CDH10: variants seen among roughly 807,000 people sequenced by gnomAD.
The protein encoded by CDH10 is cadherin 10, also known as cadherin-10.
In CDH10, 30 loss-of-function variants were observed where a neutral mutation model predicts 73.1. The ratio of observed to expected loss-of-function variants is 0.41; its 90% CI spans 0.31 to 0.56. The LOEUF (loss-of-function observed/expected upper bound fraction) is 0.56. CDH10 is among the 20% of genes least tolerant of loss of function. CDH10 has a pLI of 0.27. For missense variants in CDH10, 815 were observed against 973.7 expected, an observed-to-expected ratio of 0.84 and a Z score of 2.17; for synonymous variants, 345 against 348.2, an observed-to-expected ratio of 0.99 and a Z score of 0.10.
chr5:24,637,291 C>T (rs987301432), intron 1 of CDH10, among the ~76,000 whole-genome samples: 6 of 151,744 alleles, frequency 4.0e-5, no homozygotes, highest in East Asian at 1.9e-4. Flanking sequence ...AATGAAAGAA[C>T]GGATGAATAA....
chr5:24,536,971 A>G (rs976322173), intron 3 of CDH10, among the ~76,000 whole-genome samples: 2 of 151,942 alleles, frequency 1.3e-5, no homozygotes, highest in African/African-American at 4.8e-5. Flanking sequence ...TTCCAGATGA[A>G]ATTTTTCGGT....
intron 2 of CDH10, among the ~76,000 whole-genome samples, chr5:24,588,060 T>C (rs1261639861): frequency 6.6e-6 from 1 of 152,184 alleles, no homozygotes; most frequent in Non-Finnish European, 1.5e-5. Context: ...TTAATATAGG[T>C]TTACATTTTG....
intron 2 of CDH10, among the ~76,000 whole-genome samples, chr5:24,574,342 A>G (rs1162314475): frequency 6.6e-6 from 1 of 152,142 alleles, no homozygotes; most frequent in African/African-American, 2.4e-5. Context: ...ATTCATTTAC[A>G]GATACTTAAA....
intron 4 of CDH10, 107 bp downstream of exon 4, chr5:24,535,596 C>T: frequency 1.0e-6 from 1 of 971,656 alleles, no homozygotes; most frequent in Non-Finnish European, 1.5e-6. Flanking sequence ...CTTCACTCAT[C>T]TGTGAGTATT....
intron 2 of CDH10, among the ~76,000 whole-genome samples, chr5:24,573,680 G>T (rs1391987902): frequency 2.2e-5 from 3 of 139,160 alleles, no homozygotes; most frequent in Non-Finnish European, 4.6e-5. Flanking sequence ...CAGCCTGGGC[G>T]ACAGAGCGAG....
chr5:24,629,803 C>A (rs1200630175), intron 1 of CDH10, among the ~76,000 whole-genome samples: 1 of 152,126 alleles, frequency 6.6e-6, no homozygotes, highest in African/African-American at 2.4e-5. Flanking sequence ...CCCAGCCATG[C>A]AGAACTATGA....
intron 2 of CDH10, among the ~76,000 whole-genome samples, chr5:24,550,985 T>C (rs544645419): frequency 6.6e-6 from 1 of 152,260 alleles, no homozygotes; most frequent in East Asian, 1.9e-4. Flanking sequence ...GAATGATGAT[T>C]TTTAAATGCA....
rs2111750221 is a variant in CDH10, at chr5:24,509,603, T to C, written c.1219A>G (p.Met407Val). The change falls in exon 7 of 12, where the codon ATG becomes GTG. Residue 407 changes from methionine to valine, a missense_variant. Around this residue, in one of 3 missense-constraint regions of CDH10, gnomAD observed 516 missense variants for 636.6 expected, o/e 0.81. Transcript: ENST00000264463. ...IEVGTIIGTV[M>V]ARDPDSISSP... The stretch of plus-strand genomic sequence containing the variant: ...GAAATAGAATCTGGGTCCCTTGCCA[T>C]TACAGTACCAATGATTGTGCCCACT... The C allele has an allele frequency of 6.2e-7, 1 of 1,613,930 alleles. No individual in the cohort carries two copies. The highest frequency in any genetic ancestry group is 8.5e-7 in the Non-Finnish European group (1 of 1,179,900).
chr5:24,613,406 G>A (rs183311967), intron 1 of CDH10, among the ~76,000 whole-genome samples: 118 of 150,754 alleles, frequency 7.8e-4, no homozygotes, highest in African/African-American at 2.7e-3. Context: ...AGACTACGTC[G>A]TCTTTATTTT....
chr5:24,520,556 T>C (rs1743282679), intron 5 of CDH10, among the ~76,000 whole-genome samples: 1 of 152,166 alleles, frequency 6.6e-6, no homozygotes, highest in Admixed American at 6.5e-5. Context: ...TATCACACGG[T>C]AATTAACTCT....
intron 1 of CDH10, among the ~76,000 whole-genome samples, chr5:24,595,719 C>A (rs1288541383): frequency 6.6e-6 from 1 of 151,864 alleles, no homozygotes; most frequent in South Asian, 2.1e-4. Context: ...GCTTTAAAAC[C>A]TATTGAAGAA....
chr5:24,577,365 C>A (rs1016946477), intron 2 of CDH10, among the ~76,000 whole-genome samples: 10 of 152,166 alleles, frequency 6.6e-5, no homozygotes, highest in African/African-American at 2.4e-4. Context: ...TTTCTACAAA[C>A]CTGAAAGTAT....
chr5:24,622,100 G>A (rs907974007), intron 1 of CDH10, among the ~76,000 whole-genome samples: 5 of 152,152 alleles, frequency 3.3e-5, no homozygotes, highest in Admixed American at 2.0e-4. Context: ...CATTTACTTG[G>A]GTTGAGAGAG....
chr5:24,529,711 A>G (rs950772042), intron 5 of CDH10, among the ~76,000 whole-genome samples: 1 of 152,000 alleles, frequency 6.6e-6, no homozygotes, highest in African/African-American at 2.4e-5. Context: ...TCACTCAATC[A>G]TACAGTGACC....
intron 5 of CDH10, among the ~76,000 whole-genome samples, chr5:24,533,337 A>G (rs1157605581): frequency 4.0e-5 from 6 of 151,834 alleles, no homozygotes; most frequent in African/African-American, 1.5e-4. Flanking sequence ...AAAAATAATA[A>G]TAATAATAAC....
chr5:24,550,389 A>T (rs544588205), intron 2 of CDH10, among the ~76,000 whole-genome samples: 1 of 152,222 alleles, frequency 6.6e-6, no homozygotes, highest in Non-Finnish European at 1.5e-5. Context: ...ATCTAAAAAA[A>T]AATGATGTAT....
intron 2 of CDH10, among the ~76,000 whole-genome samples, chr5:24,559,517 C>T (rs1383109887): frequency 1.3e-5 from 2 of 151,948 alleles, no homozygotes; most frequent in Admixed American, 6.6e-5. Flanking sequence ...CACTGCAGTA[C>T]TTTATGCTGA....
intron 1 of CDH10, among the ~76,000 whole-genome samples, chr5:24,643,240 C>T (rs572897732): frequency 1.3e-5 from 2 of 152,166 alleles, no homozygotes; most frequent in South Asian, 4.2e-4. Flanking sequence ...TAGGACATAA[C>T]CTCTTTCTTT....
chr5:24,565,722 A>T (rs1396566524), intron 2 of CDH10, among the ~76,000 whole-genome samples: 1 of 152,098 alleles, frequency 6.6e-6, no homozygotes, highest in East Asian at 1.9e-4. Flanking sequence ...TTATAACAAG[A>T]CAGGGAGAAC....
Sources: gnomAD v4.1 joint callset for allele counts (sites outside exome capture counted in the v4.1 genomes callset) on GRCh38, gnomAD v4.1.1 for gene constraint, gnomAD v4.1.1 regional missense constraint, MANE v1.5 for transcripts, NCBI Gene and HGNC (gene_info 2026-07-23, HGNC 2026-07-21) for gene names.